Variants in CEP162 observed in about 807,000 individuals in gnomAD.
CEP162 encodes the protein centrosomal protein 162.
CEP162 carries 141 observed loss-of-function variants against 169.2 expected under a neutral mutation model. That is an observed-to-expected ratio of 0.83 (90% CI 0.73 to 0.96). The LOEUF (loss-of-function observed/expected upper bound fraction) is 0.96, where lower values mean the gene tolerates loss of function less well. CEP162 is among the 40% of genes least tolerant of loss of function. CEP162 has a pLI of 0.00. For synonymous variants in CEP162, 540 were observed against 526.4 expected (o/e 1.03, Z -0.35); for missense variants, 1,600 against 1,587.2 (o/e 1.01, Z -0.14).
At chr6:84,138,289 CTG>C (rs1360004205) in intron 25 of CEP162, among the ~76,000 whole-genome samples, 1 of 152,180 alleles carries the variant, frequency 6.6e-6, no homozygotes, top group Non-Finnish European at 1.5e-5. Flanking sequence ...GCACTACAGA[CTG>C]TGATTTCTGG....
intron 25 of CEP162, among the ~76,000 whole-genome samples, chr6:84,133,160 A>T (rs2099512333): frequency 6.6e-6 from 1 of 152,178 alleles, no homozygotes; most frequent in Admixed American, 6.5e-5. Context: ...TCACCAGCAG[A>T]GGCTGCAGAA....
chr6:84,187,081 A>G (rs926382536), intron 11 of CEP162, among the ~76,000 whole-genome samples: 4 of 152,188 alleles, frequency 2.6e-5, no homozygotes, highest in South Asian at 2.1e-4. Flanking sequence ...AAGGAGGCAT[A>G]GAGTATAAAT....
chr6:84,177,312 A>T (rs2099532800), intron 13 of CEP162, among the ~76,000 whole-genome samples: 3 of 152,030 alleles, frequency 2.0e-5, no homozygotes, highest in Admixed American at 2.0e-4. Flanking sequence ...CCTTCCCTGT[A>T]CCCCACCACT....
chr6:84,166,888 C>T (rs1188290639), intron 18 of CEP162, among the ~76,000 whole-genome samples: 2 of 151,974 alleles, frequency 1.3e-5, no homozygotes, highest in Non-Finnish European at 1.5e-5. Context: ...TTAAGAATAC[C>T]AAAGTAAATG....
chr6:84,182,693 T>C (rs191426385), intron 13 of CEP162, among the ~76,000 whole-genome samples: 1 of 152,242 alleles, frequency 6.6e-6, no homozygotes, highest in East Asian at 1.9e-4. Flanking sequence ...AGAGTAGCCA[T>C]TGTGACAGTT....
intron 11 of CEP162, among the ~76,000 whole-genome samples, chr6:84,191,338 G>A (rs2127720729): frequency 6.6e-6 from 1 of 152,280 alleles, no homozygotes; most frequent in Non-Finnish European, 1.5e-5. Context: ...GGAATGGAAT[G>A]AGGGGCTATA....
At chr6:84,221,354 T>C (rs2099553651) in intron 2 of CEP162, among the ~76,000 whole-genome samples, 183 bp from the exon 3 acceptor site, 1 of 152,156 alleles carries the variant, frequency 6.6e-6, no homozygotes, top group Non-Finnish European at 1.5e-5. Flanking sequence ...AACTTAAAAA[T>C]CAGACACACA....
intron 21 of CEP162, among the ~76,000 whole-genome samples, chr6:84,156,855 A>C (rs1401189643): frequency 6.6e-6 from 1 of 152,114 alleles, no homozygotes; most frequent in African/African-American, 2.4e-5. Context: ...TCCCAAGTGA[A>C]ATAACTCAGA....
chr6:84,174,830 G>A lies in CEP162; in HGVS notation c.1922C>T (p.Ser641Leu). 6.7e-7 allele frequency: 1 copy of A among 1,494,998 alleles called. No homozygotes were observed. The highest frequency in any genetic ancestry group is 9.1e-7 in the Non-Finnish European group (1 of 1,094,430). The allele number at this position is 1,494,998 out of a possible 1,614,324, so 92.6% of individuals were successfully genotyped here. The change falls in exon 15 of 27, where the codon TCA becomes TTA. Residue 641 changes from serine to leucine, a missense_variant. Coordinates refer to ENST00000403245, the MANE Select transcript of CEP162 (RefSeq NM_014895.4). Reference sequence around the variant, plus strand: ...ATTTTCTAGTTCTTTCTCCTTTTCTGAGAATGTGGCTTTAATTTGCTCAAT... The same window carrying A: ...ATTTTCTAGTTCTTTCTCCTTTTCTAAGAATGTGGCTTTAATTTGCTCAAT... Reference protein sequence around the residue: ...ALIEQIKATFSEKEKELENKL... With the variant: ...ALIEQIKATFLEKEKELENKL...
chr6:84,133,201 T>C (rs1454360226), intron 25 of CEP162, among the ~76,000 whole-genome samples: 2 of 152,194 alleles, frequency 1.3e-5, no homozygotes, highest in Admixed American at 1.3e-4. Context: ...CAAATGTTGC[T>C]GCCTGATCCT....
intron 6 of CEP162, among the ~76,000 whole-genome samples, chr6:84,206,063 TA>T (rs2099546832): frequency 6.8e-6 from 1 of 147,888 alleles, no homozygotes; most frequent in South Asian, 2.1e-4. Context: ...CTCAACGAAA[TA>T]AAAGAGGACA....
intron 13 of CEP162, among the ~76,000 whole-genome samples, chr6:84,182,916 G>A (rs1018235678): frequency 3.3e-5 from 5 of 151,994 alleles, no homozygotes; most frequent in African/African-American, 1.2e-4. Flanking sequence ...TATATTTTCT[G>A]AACACTAATC....
intron 21 of CEP162, among the ~76,000 whole-genome samples, chr6:84,159,625 C>A (rs2099524900): frequency 8.4e-6 from 1 of 118,910 alleles, no homozygotes; most frequent in Non-Finnish European, 1.6e-5. Flanking sequence ...GGTACAGTGG[C>A]ATGATCTTGG....
At chr6:84,195,147 A>C in intron 9 of CEP162, 72 bp from the exon 10 acceptor site, 2 of 1,209,852 alleles carry the variant, frequency 1.7e-6, no homozygotes, top group Non-Finnish European at 2.3e-6. Flanking sequence ...CACTAATATC[A>C]TTCCTTAACC....
intron 25 of CEP162, among the ~76,000 whole-genome samples, chr6:84,144,832 C>A (rs2129196605): frequency 6.6e-6 from 1 of 152,204 alleles, no homozygotes; most frequent in East Asian, 1.9e-4. Context: ...TAGCTTAGAG[C>A]AATTTGGTAA....
chr6:84,220,344 G>A (rs1207576998), intron 3 of CEP162, among the ~76,000 whole-genome samples: 2 of 152,160 alleles, frequency 1.3e-5, no homozygotes, highest in Non-Finnish European at 2.9e-5. Context: ...AAACCTATCA[G>A]GCCAGGAGTG....
chr6:84,176,731 C>G (rs9885791), intron 13 of CEP162, among the ~76,000 whole-genome samples: 5,973 of 152,110 alleles, frequency 0.039, 214 homozygotes, highest in African/African-American at 0.098. Context: ...AAATTTGAAA[C>G]ACTTCTGGTC....
At chr6:84,189,084 G>A (rs1433495509) in intron 11 of CEP162, among the ~76,000 whole-genome samples, 2 of 151,256 alleles carry the variant, frequency 1.3e-5, no homozygotes, top group African/African-American at 4.9e-5. Flanking sequence ...ATGGAGTCTC[G>A]CTCTGTCACC....
intron 6 of CEP162, among the ~76,000 whole-genome samples, chr6:84,208,030 T>C (rs1023718696): frequency 6.6e-6 from 1 of 151,278 alleles, no homozygotes; most frequent in South Asian, 2.1e-4. Flanking sequence ...TTTTTTTTTT[T>C]TTTTTTTGTC....
Sources: allele counts gnomAD v4.1 joint callset (sites outside exome capture counted in the v4.1 genomes callset), GRCh38; gene constraint gnomAD v4.1.1; transcripts MANE v1.5; gene names NCBI Gene and HGNC (gene_info 2026-07-23, HGNC 2026-07-21).